RASA1: variants seen among roughly 807,000 people sequenced by gnomAD.
The protein encoded by RASA1 is RAS p21 protein activator 1.
RASA1 carries 25 observed loss-of-function variants against 132.2 expected under a neutral mutation model. The ratio of observed to expected loss-of-function variants is 0.19; its 90% confidence interval spans 0.14 to 0.26. RASA1 has a LOEUF of 0.26. Among genes scored for constraint, RASA1 ranks in the 10% least tolerant of loss-of-function variants. The pLI is 1.00. For synonymous variants in RASA1, 477 were observed against 449.9 expected, an observed-to-expected ratio of 1.06 and a Z score of -0.76; for missense variants, 964 against 1,299.2, an observed-to-expected ratio of 0.74 and a Z score of 3.97.
intron 1 of RASA1, among the ~76,000 whole-genome samples, chr5:87,285,631 T>C (rs2112254252): frequency 6.6e-6 from 1 of 150,568 alleles, no homozygotes; most frequent in South Asian, 2.1e-4. Flanking sequence ...TTTTTTTTTT[T>C]TTTTGAGACA....
chr5:87,322,954 A>T (rs1196303252), intron 1 of RASA1, among the ~76,000 whole-genome samples: 1 of 152,146 alleles, frequency 6.6e-6, no homozygotes, highest in Non-Finnish European at 1.5e-5. Context: ...ATATTTGCTA[A>T]TTTTTTAAGA....
intron 1 of RASA1, among the ~76,000 whole-genome samples, chr5:87,296,257 C>G (rs1755116707): frequency 6.6e-6 from 1 of 152,044 alleles, no homozygotes; most frequent in Non-Finnish European, 1.5e-5. Flanking sequence ...CAAAATATTC[C>G]TGTTTCCTTG....
At chr5:87,334,018 T>A (rs527473265) in intron 4 of RASA1, among the ~76,000 whole-genome samples, 6 of 152,206 alleles carry the variant, frequency 3.9e-5, no homozygotes, top group Admixed American at 6.5e-5. Flanking sequence ...ACAGCAGTTC[T>A]GTAAGTGTGT....
intron 7 of RASA1, 149 bp from the exon 8 acceptor site, chr5:87,349,065 T>C: frequency 1.0e-6 from 1 of 981,130 alleles, no homozygotes; most frequent in East Asian, 2.7e-5. Flanking sequence ...ACCAGAAAAT[T>C]TGAAAGAAAT....
Position 87,303,553 on chromosome 5 carries a change from A to G in RASA1, c.540-27795A>G, listed in dbSNP as rs541540032. 1.8e-4 allele frequency among the ~76,000 whole-genome samples: 28 copies of G among 152,224 alleles called. No homozygotes were observed. In the South Asian group the frequency reaches 5.6e-3, roughly 30 times the overall value. Reference sequence around the variant, plus strand: ...TGATTTCTTCACTAGCATATTGTGAAGACATATTTCCACATAAATGTCAAC... The same window carrying G: ...TGATTTCTTCACTAGCATATTGTGAGGACATATTTCCACATAAATGTCAAC... On this transcript the variant is annotated intron_variant, in intron 1 of 24. Transcript: ENST00000274376.
At position 87,268,641 on chromosome 5, in the gene RASA1, G is replaced by A. The variant is rs777805156; in HGVS notation, c.190G>A (p.Gly64Arg). Residue 64 changes from glycine to arginine, a missense_variant, in exon 1 of 25, where the codon GGA becomes AGA. By Grantham distance (125) the Gly-to-Arg change is moderately radical. Transcript: ENST00000274376. ...ETGVAGTLGGGAALGSEFLGA... is the reference protein window; with the variant it reads ...ETGVAGTLGGRAALGSEFLGA... The stretch of plus-strand genomic sequence containing the variant: ...CGGAGTGGCTGGAACTCTGGGTGGC[G>A]GAGCCGCTTTGGGGTCAGAGTTCCT... 24 of 1,611,160 alleles carry A rather than the reference G, an allele frequency of 1.5e-5. No homozygotes were observed. The Admixed American group carries it at 4.0e-4, about 27-fold the overall frequency.
At chr5:87,345,892 C>T (rs965059926) in intron 6 of RASA1, among the ~76,000 whole-genome samples, 7 of 152,208 alleles carry the variant, frequency 4.6e-5, no homozygotes, top group African/African-American at 1.4e-4. Flanking sequence ...ATGTGTTAAT[C>T]AGCAAGATAG....
At chr5:87,361,665 A>C (rs926711205) in intron 9 of RASA1, among the ~76,000 whole-genome samples, 7 of 152,202 alleles carry the variant, frequency 4.6e-5, no homozygotes, top group African/African-American at 1.7e-4. Flanking sequence ...TTAGCAATTA[A>C]TGTAAGTTCT....
At chr5:87,366,249 T>G (rs1760505095) in intron 11 of RASA1, 1 of 236,450 alleles carries the variant, frequency 4.2e-6, no homozygotes, top group Non-Finnish European at 9.2e-6. Flanking sequence ...TACTTACAAC[T>G]GCAATTAGAT....
chr5:87,369,015 G>T (rs1005379931), intron 11 of RASA1, among the ~76,000 whole-genome samples: 6 of 152,114 alleles, frequency 3.9e-5, no homozygotes, highest in Non-Finnish European at 7.4e-5. Context: ...CTCAAAGCAT[G>T]AAAATATAGT....
At chr5:87,280,469 C>A (rs556172131) in intron 1 of RASA1, among the ~76,000 whole-genome samples, 1 of 152,046 alleles carries the variant, frequency 6.6e-6, no homozygotes, top group Admixed American at 6.6e-5. Flanking sequence ...CCTGCCACCA[C>A]GCCTGGCTAA....
intron 6 of RASA1, among the ~76,000 whole-genome samples, chr5:87,343,828 G>T (rs1896694): frequency 0.36 from 54,276 of 151,996 alleles, 9,908 homozygotes; most frequent in East Asian, 0.48. Context: ...GTGTTCATCA[G>T]TGGATGAATG....
chr5:87,380,171 T>C (rs1338730829), intron 19 of RASA1, among the ~76,000 whole-genome samples: 1 of 152,142 alleles, frequency 6.6e-6, no homozygotes, highest in Non-Finnish European at 1.5e-5. Flanking sequence ...AATCACTCTG[T>C]TAATATGCTT....
chr5:87,331,915 A>C (rs912643779), intron 2 of RASA1, among the ~76,000 whole-genome samples: 1 of 152,170 alleles, frequency 6.6e-6, no homozygotes, highest in Non-Finnish European at 1.5e-5. Flanking sequence ...CACTTCAGTG[A>C]AACAGACATA....
intron 1 of RASA1, among the ~76,000 whole-genome samples, chr5:87,310,486 A>G (rs928852868): frequency 3.3e-5 from 5 of 152,178 alleles, no homozygotes; most frequent in African/African-American, 1.2e-4. Flanking sequence ...AACAATGGCC[A>G]CCAAAAATTT....
chr5:87,284,171 GTTTTC>G (rs1464152199), intron 1 of RASA1, among the ~76,000 whole-genome samples: 1 of 152,094 alleles, frequency 6.6e-6, no homozygotes, highest in Non-Finnish European at 1.5e-5. Context: ...ATTCTATGTT[GTTTTC>G]TTAAGGCTGC....
At chr5:87,331,326 AT>A (rs1757585233) in intron 1 of RASA1, 21 bp from the exon 2 acceptor site, 1 of 1,578,570 alleles carries the variant, frequency 6.3e-7, no homozygotes, top group East Asian at 2.2e-5. Context: ...ATATTGTAAT[AT>A]CTTCTCTGTT....
chr5:87,376,242 A>G, intron 15 of RASA1, 151 bp from the exon 16 acceptor site: 1 of 864,166 alleles, frequency 1.2e-6, no homozygotes. Context: ...GTAAATAAAC[A>G]ACTAAATATT....
chr5:87,338,501 T>TTATATATATATATA (rs3069490), intron 5 of RASA1, among the ~76,000 whole-genome samples: 3 of 75,678 alleles, frequency 4.0e-5, no homozygotes, highest in South Asian at 5.2e-4. Context: ...CCAGCTAATT[T>TTATATATATATATA]TATATATATA....
Sources: allele counts gnomAD v4.1 joint callset (sites outside exome capture counted in the v4.1 genomes callset), GRCh38; gene constraint gnomAD v4.1.1; transcripts MANE v1.5; gene names NCBI Gene and HGNC (gene_info 2026-07-23, HGNC 2026-07-21).